The following FARS2 variants were observed in gnomAD, a reference collection of about 807,000 sequenced individuals.
FARS2 encodes the protein phenylalanine--tRNA ligase, mitochondrial.
A neutral mutation model predicts 46.4 loss-of-function variants in FARS2; 40 were observed. The ratio of observed to expected loss-of-function variants is 0.86; its 90% confidence interval spans 0.67 to 1.12. The LOEUF (loss-of-function observed/expected upper bound fraction) is 1.12. Ranked by LOEUF, FARS2 falls within the 50% of genes most tolerant of loss-of-function variation. The pLI, the probability that FARS2 is intolerant of heterozygous loss-of-function variation, is 0.00. For missense variants in FARS2, 513 were observed against 567.9 expected (o/e 0.90, Z 0.98); for synonymous variants, 234 against 214.9 (o/e 1.09, Z -0.78).
chr6:5,701,364 T>C (rs1758425984), intron 6 of FARS2, among the ~76,000 whole-genome samples: 1 of 152,252 alleles, frequency 6.6e-6, no homozygotes, highest in African/African-American at 2.4e-5. Flanking sequence ...GCACCTTGTC[T>C]GTGCACAGTC....
chr6:5,545,011 G>A (rs1005919916), intron 4 of FARS2, among the ~76,000 whole-genome samples, 169 bp from the exon 5 acceptor site: 1 of 152,236 alleles, frequency 6.6e-6, no homozygotes, highest in African/African-American at 2.4e-5. Context: ...ATGGAGATGA[G>A]AAAGCGTGGA....
chr6:5,676,701 C>G (rs1305397956), intron 6 of FARS2, among the ~76,000 whole-genome samples: 1 of 152,208 alleles, frequency 6.6e-6, no homozygotes, highest in East Asian at 1.9e-4. Flanking sequence ...GTTTAATTAT[C>G]TATTGAATGC....
intron 4 of FARS2, among the ~76,000 whole-genome samples, chr6:5,539,384 G>GTGTATATATATATATATATATATATA: frequency 0.034 from 2,673 of 78,962 alleles, 189 homozygotes; most frequent in Middle Eastern, 0.092. Context: ...TTTTTTTTGT[G>GTGTATATATATATATATATATATATA]TATATATATA....
At chr6:5,766,870 T>G (rs1345860313) in intron 6 of FARS2, among the ~76,000 whole-genome samples, 1 of 151,928 alleles carries the variant, frequency 6.6e-6, no homozygotes, top group Non-Finnish European at 1.5e-5. Context: ...TAGATTCCCC[T>G]TTTCTGGATA....
Position 5,311,540 on chromosome 6 carries a change from A to G in FARS2, c.-22+49880A>G, listed in dbSNP as rs1769080281. Among the ~76,000 whole-genome samples the G allele has an allele frequency of 6.6e-6, 1 of 152,002 alleles. No homozygotes were observed. The highest frequency in any genetic ancestry group is 2.4e-5 in the African/African-American group (1 of 41,278). On this transcript the variant is annotated intron_variant, in intron 1 of 6. Transcript: ENST00000274680. This position sits in a 1 kb window ranked among gnomAD's most constrained non-coding sequence, Gnocchi z 4.1. ...ATTAAAACATGCATACACCTGCACG[A>G]CCCTAATAAATGTTCCTTAGAAAAA...
intron 1 of FARS2, among the ~76,000 whole-genome samples, chr6:5,276,373 A>G (rs1766334895): frequency 6.6e-6 from 1 of 152,204 alleles, no homozygotes; most frequent in Admixed American, 6.5e-5. Context: ...TAACATTTAG[A>G]TAATCACATA....
chr6:5,693,934 C>T (rs1241292169), intron 6 of FARS2, among the ~76,000 whole-genome samples: 1 of 152,218 alleles, frequency 6.6e-6, no homozygotes, highest in East Asian at 1.9e-4. Flanking sequence ...TCAGAAGTCA[C>T]ATAGCATCAT....
At chr6:5,483,240 T>A (rs989416696) in intron 4 of FARS2, among the ~76,000 whole-genome samples, 4 of 152,100 alleles carry the variant, frequency 2.6e-5, no homozygotes, top group African/African-American at 9.7e-5. Context: ...CTTTTCTCCT[T>A]TTATCACTCC....
chr6:5,698,957 A>G (rs1245989947), intron 6 of FARS2, among the ~76,000 whole-genome samples: 4 of 152,158 alleles, frequency 2.6e-5, no homozygotes, highest in Admixed American at 6.5e-5. Context: ...TGTCCTGCCA[A>G]CTGCTAAGGG....
At chr6:5,770,569 C>T (rs1398771273) in intron 6 of FARS2, among the ~76,000 whole-genome samples, 1 of 152,194 alleles carries the variant, frequency 6.6e-6, no homozygotes. Context: ...AGGGCCAGGC[C>T]TGCCAGTTCA....
chr6:5,294,987 CT>C (rs1767756190), intron 1 of FARS2, among the ~76,000 whole-genome samples: 1 of 152,150 alleles, frequency 6.6e-6, no homozygotes, highest in African/African-American at 2.4e-5. Flanking sequence ...AGGCCTGCCC[CT>C]GAGGCCTAAA....
At chr6:5,644,542 A>G (rs1776982619) in intron 6 of FARS2, among the ~76,000 whole-genome samples, 1 of 151,810 alleles carries the variant, frequency 6.6e-6, no homozygotes, top group South Asian at 2.1e-4. Context: ...TTGTTTTCAG[A>G]CAGCTGCAAG....
At chr6:5,532,774 T>TAAGAAGAAGAAGAAGAAG (rs1391729088) in intron 4 of FARS2, among the ~76,000 whole-genome samples, 37 of 141,482 alleles carry the variant, frequency 2.6e-4, no homozygotes, top group African/African-American at 1.1e-3. Flanking sequence ...GTAATAATAA[T>TAAGAAGAAGAAGAAGAAG]AATAATAATA....
At chr6:5,370,585 G>A (rs1258289050) in intron 2 of FARS2, among the ~76,000 whole-genome samples, 5 of 152,040 alleles carry the variant, frequency 3.3e-5, no homozygotes, top group Non-Finnish European at 5.9e-5. Context: ...GCAGACAGGT[G>A]CTCAGCCCAG....
At chr6:5,598,137 A>G (rs1052137575) in intron 5 of FARS2, among the ~76,000 whole-genome samples, 3 of 152,150 alleles carry the variant, frequency 2.0e-5, no homozygotes, top group African/African-American at 7.2e-5. Context: ...CTGTAATCCT[A>G]GCACTTCGGG....
chr6:5,463,873 C>T (rs9392687), intron 4 of FARS2, among the ~76,000 whole-genome samples: 5,243 of 152,262 alleles, frequency 0.034, 221 homozygotes, highest in African/African-American at 0.095. Flanking sequence ...CTCTCCCCTT[C>T]TCCCAGTAAT....
chr6:5,770,808 C>T (rs1468488365), intron 6 of FARS2, among the ~76,000 whole-genome samples: 2 of 152,196 alleles, frequency 1.3e-5, no homozygotes, highest in African/African-American at 2.4e-5. Flanking sequence ...ACAGGGGTGC[C>T]GAGGGAGTGA....
intron 4 of FARS2, among the ~76,000 whole-genome samples, chr6:5,480,394 G>A (rs1255439753): frequency 6.6e-6 from 1 of 152,168 alleles, no homozygotes; most frequent in Non-Finnish European, 1.5e-5. Flanking sequence ...TATTATAGAA[G>A]TACATATACA....
At chr6:5,456,225 A>G (rs1216135256) in intron 4 of FARS2, among the ~76,000 whole-genome samples, 1 of 70,410 alleles carries the variant, frequency 1.4e-5, no homozygotes, top group African/African-American at 4.4e-5. Context: ...AAAAAAAACA[A>G]AAAGCAAAAA....
Sources: allele counts gnomAD v4.1 joint callset (sites outside exome capture counted in the v4.1 genomes callset), GRCh38; gene constraint gnomAD v4.1.1; non-coding constraint Gnocchi (gnomAD v3.1); transcripts MANE v1.5; gene names NCBI Gene and HGNC (gene_info 2026-07-23, HGNC 2026-07-21).